Variants in PWWP2A observed in about 807,000 individuals in gnomAD.
PWWP2A encodes PWWP domain containing 2A.
PWWP2A carries 18 observed loss-of-function variants against 48.5 expected under a neutral mutation model. The observed-to-expected ratio is 0.37, with a 90% CI of 0.26 to 0.55. The LOEUF is 0.55. PWWP2A is among the 20% of genes least tolerant of loss of function. The pLI is 0.81. For missense variants in PWWP2A, 867 were observed against 976.4 expected (o/e 0.89, Z 1.49); for synonymous variants, 396 against 387.7 (o/e 1.02, Z -0.25).
exon 3 of PWWP2A, chr5:160,066,798 G>C (rs373139740): frequency 7.2e-5 from 11 of 152,026 alleles, no homozygotes; most frequent in African/African-American, 2.7e-4. Flanking sequence ...ACAGTACTTT[G>C]GGAGGCCAAC....
At chr5:160,114,206 T>C (rs1010598554) in intron 1 of PWWP2A, among the ~76,000 whole-genome samples, 1 of 152,172 alleles carries the variant, frequency 6.6e-6, no homozygotes, top group South Asian at 2.1e-4. Flanking sequence ...CCCAACACTT[T>C]GGGAGTGTAG....
chr5:160,119,126 T>C lies in PWWP2A; in HGVS notation c.263A>G (p.Glu88Gly). The C allele has an allele frequency of 6.3e-7, 1 of 1,582,014 alleles. No homozygotes were observed. The highest frequency in any genetic ancestry group is 8.5e-7 in the Non-Finnish European group (1 of 1,173,806). The change falls in exon 1 of 2, where the codon GAG becomes GGG. Residue 88 changes from glutamate (E) to glycine (G), a missense_variant. Glu to Gly is a moderately conservative substitution (Grantham distance 98, BLOSUM62 -2). This residue lies in a region of PWWP2A where 385 missense variants were observed against 396.9 expected (regional missense o/e 0.97). Coordinates refer to ENST00000307063, the MANE Select transcript of PWWP2A (RefSeq NM_001130864.2). ...LARSPEAVGPELEAEEKLSVR... is the reference protein window; with the variant it reads ...LARSPEAVGPGLEAEEKLSVR... ...GGACAGTTTCTCCTCAGCCTCCAGCTCCGGCCCCACCGCCTCTGGGCTGCG... is the reference window on the plus strand; with the variant it reads ...GGACAGTTTCTCCTCAGCCTCCAGCCCCGGCCCCACCGCCTCTGGGCTGCG...
the PWWP2A span, among the ~76,000 whole-genome samples, chr5:160,052,684 A>C: frequency 6.6e-6 from 1 of 151,902 alleles, no homozygotes; most frequent in Non-Finnish European, 1.5e-5. Flanking sequence ...AAGCCAGTCC[A>C]GTAAAGGGAC....
chr5:160,101,060 G>A (rs540848480), intron 1 of PWWP2A, among the ~76,000 whole-genome samples: 1 of 152,310 alleles, frequency 6.6e-6, no homozygotes, highest in South Asian at 2.1e-4. Flanking sequence ...TAAAAAGGAT[G>A]AAATCATAGG....
chr5:160,106,488 A>G lies in PWWP2A; in HGVS notation c.584+12317T>C, dbSNP rs1477568113. 2.0e-5 allele frequency among the ~76,000 whole-genome samples: 3 copies of G among 151,882 alleles called. No individual in the cohort carries two copies. In the East Asian group the frequency reaches 5.8e-4, roughly 29 times the overall value. On this transcript the variant is annotated intron_variant, in intron 1 of 1. Coordinates refer to ENST00000307063, the MANE Select transcript of PWWP2A (RefSeq NM_001130864.2). ...AAGTAAAACTTGGCAACCTTCTTAGATTAAATATGCAGGAAAAAATAAACA... is the reference window on the plus strand; with the variant it reads ...AAGTAAAACTTGGCAACCTTCTTAGGTTAAATATGCAGGAAAAAATAAACA...
the PWWP2A span, chr5:160,051,322 C>G: frequency 2.7e-5 from 17 of 621,742 alleles, no homozygotes; most frequent in Non-Finnish European, 4.0e-5. Flanking sequence ...GTTATTTTGA[C>G]CCCAGAAGGG....
downstream of PWWP2A, among the ~76,000 whole-genome samples, chr5:160,075,534 A>G (rs1456577901): frequency 6.6e-6 from 1 of 152,204 alleles, no homozygotes; most frequent in Non-Finnish European, 1.5e-5. Flanking sequence ...TAAGGGCAGG[A>G]TTCCTTAAAA....
At chr5:160,079,537 T>C (rs1454193464) in intron 3 of PWWP2A, among the ~76,000 whole-genome samples, 1 of 152,218 alleles carries the variant, frequency 6.6e-6, no homozygotes, top group East Asian at 1.9e-4. Context: ...GCAATACTAA[T>C]AGATTAAGGC....
At chr5:160,090,259 T>C (rs1370891527), downstream of PWWP2A, 1 of 985,224 alleles carries the variant, frequency 1.0e-6, no homozygotes, top group Non-Finnish European at 1.2e-6. Context: ...CACTTGACCA[T>C]ATCAGTAATG....
downstream of PWWP2A, among the ~76,000 whole-genome samples, chr5:160,071,274 C>T (rs997190820): frequency 6.6e-6 from 1 of 152,200 alleles, no homozygotes; most frequent in African/African-American, 2.4e-5. Context: ...TGGTAAGTAA[C>T]ATTTCACTCA....
downstream of PWWP2A, chr5:160,089,460 C>G: frequency 9.4e-7 from 1 of 1,063,910 alleles, no homozygotes. Flanking sequence ...AATCATCCCA[C>G]CTTGGCCTTC....
intron 1 of PWWP2A, among the ~76,000 whole-genome samples, chr5:160,114,429 C>G (rs1757893122): frequency 5.3e-5 from 8 of 151,764 alleles, no homozygotes; most frequent in Admixed American, 5.3e-4. Context: ...CTACTGCACT[C>G]CAGCCTGGGT....
At chr5:160,069,045 G>GGGAGGC (rs1337361778) in intron 2 of PWWP2A, among the ~76,000 whole-genome samples, 1 of 151,860 alleles carries the variant, frequency 6.6e-6, no homozygotes, top group East Asian at 1.9e-4. Flanking sequence ...CTAGCACTTT[G>GGGAGGC]GGAGGCTGAG....
At chr5:160,095,683 GTTC>G (rs1326431682) in intron 1 of PWWP2A, among the ~76,000 whole-genome samples, 116 of 108,840 alleles carry the variant, frequency 1.1e-3, no homozygotes, top group Middle Eastern at 5.4e-3. Flanking sequence ...TCTCCGAAAT[GTTC>G]TTTTTTTTTT....
chr5:160,114,297 C>T (rs758800141), intron 1 of PWWP2A, among the ~76,000 whole-genome samples: 18 of 151,954 alleles, frequency 1.2e-4, no homozygotes, highest in Non-Finnish European at 2.2e-4. Context: ...TTTGGGAGGC[C>T]GAAGCAGGAG....
intron 1 of PWWP2A, among the ~76,000 whole-genome samples, chr5:160,113,768 T>C (rs1277982938): frequency 6.6e-6 from 1 of 152,208 alleles, no homozygotes; most frequent in Admixed American, 6.5e-5. Context: ...ACAGAGGCAA[T>C]GAAATCAAGA....
chr5:160,104,122 C>CAGAAAAAAA (rs1756605997), intron 1 of PWWP2A, among the ~76,000 whole-genome samples: 1 of 61,764 alleles, frequency 1.6e-5, no homozygotes, highest in Non-Finnish European at 2.9e-5. Context: ...GACTCTGTCT[C>CAGAAAAAAA]AAAAAAAAAA....
rs963523792 is a variant in PWWP2A, at chr5:160,092,238, C to G, written c.*144G>C. ...GTTTAAGCTCTCAGTCTAAAAATGGCTATAAGGTAAGTATTAAAAAGCCAG... is the reference window on the plus strand; with the variant it reads ...GTTTAAGCTCTCAGTCTAAAAATGGGTATAAGGTAAGTATTAAAAAGCCAG... On this transcript the variant is annotated 3_prime_UTR_variant, in exon 2 of 2. Coordinates refer to ENST00000307063, the MANE Select transcript of PWWP2A (RefSeq NM_001130864.2). 1.9e-5 allele frequency: 26 copies of G among 1,398,942 alleles called. No individual in the cohort carries two copies. Among genetic ancestry groups the G allele is most frequent in the Admixed American group, 3.0e-5 (1 of 33,410 alleles). The allele number at this position is 1,398,942 out of a possible 1,614,324, so 86.7% of individuals were successfully genotyped here. A position where few individuals can be genotyped will look rare whatever the true frequency, so the allele number is the denominator to read the frequency against.
At chr5:160,073,032 A>AAT (rs1561647743), downstream of PWWP2A, among the ~76,000 whole-genome samples, 1 of 121,146 alleles carries the variant, frequency 8.3e-6, no homozygotes, top group Non-Finnish European at 1.8e-5. Flanking sequence ...AAAAAAAAAA[A>AAT]ATCCTAACAT....
Sources: allele counts gnomAD v4.1 joint callset (sites outside exome capture counted in the v4.1 genomes callset), GRCh38; gene constraint gnomAD v4.1.1; regional missense constraint gnomAD v4.1.1; transcripts MANE v1.5; gene names NCBI Gene and HGNC (gene_info 2026-07-23, HGNC 2026-07-21).